The following PRKCA variants were observed in gnomAD, a reference collection of about 807,000 sequenced individuals.
PRKCA encodes the protein protein kinase C alpha, also known as protein kinase C alpha type.
In PRKCA, 27 loss-of-function variants were observed where a neutral mutation model predicts 87.0. That is an observed-to-expected ratio of 0.31 (90% CI 0.23 to 0.43). The LOEUF is 0.43. PRKCA is among the 20% of genes least tolerant of loss of function. The pLI is 1.00. For synonymous variants in PRKCA, 329 were observed against 311.1 expected, an observed-to-expected ratio of 1.06 and a Z score of -0.61; for missense variants, 518 against 852.3, an observed-to-expected ratio of 0.61 and a Z score of 4.88.
At chr17:66,658,963 G>T (rs1158107074) in intron 5 of PRKCA, among the ~76,000 whole-genome samples, 1 of 152,208 alleles carries the variant, frequency 6.6e-6, no homozygotes, top group African/African-American at 2.4e-5. Flanking sequence ...GAAGGCCTCT[G>T]TATGAGTAGA....
At chr17:66,430,789 A>G (rs972677709) in intron 2 of PRKCA, among the ~76,000 whole-genome samples, 3 of 152,132 alleles carry the variant, frequency 2.0e-5, no homozygotes, top group African/African-American at 7.2e-5. Flanking sequence ...GCACTAGGAA[A>G]TGGCCAAGTG....
At chr17:66,554,089 G>A (rs1968423851) in intron 3 of PRKCA, among the ~76,000 whole-genome samples, 1 of 152,156 alleles carries the variant, frequency 6.6e-6, no homozygotes, top group African/African-American at 2.4e-5. Context: ...GAAGACACCT[G>A]TGTTCAGAAG....
chr17:66,746,517 A>G (rs908081329), intron 13 of PRKCA, among the ~76,000 whole-genome samples: 89 of 152,172 alleles, frequency 5.8e-4, no homozygotes, highest in African/African-American at 2.0e-3. Context: ...CTCTGTGCAA[A>G]TACTCCTGTC....
In PRKCA at chr17:66,386,097, A is replaced by T. The variant is rs188665750; in HGVS notation, c.205+79970A>T. Among the ~76,000 whole-genome samples, 3 of 152,270 alleles carry T rather than the reference A, an allele frequency of 2.0e-5. No homozygotes were observed. In the East Asian group the frequency reaches 5.8e-4, roughly 29 times the overall value. ...TTTTAAGTTTCTTTTCCCATGCTAT[A>T]GGTTCATTTTGCAGATGTAACCGCT... On this transcript the variant is annotated intron_variant, in intron 2 of 16. Coordinates refer to ENST00000413366, the MANE Select transcript of PRKCA (RefSeq NM_002737.3).
At chr17:66,757,575 A>G (rs1268439944) in intron 13 of PRKCA, among the ~76,000 whole-genome samples, 1 of 116,586 alleles carries the variant, frequency 8.6e-6, no homozygotes, top group African/African-American at 3.6e-5. Context: ...TGGGAGGAAA[A>G]AAAAAAAAAA....
rs904246795 is a variant in PRKCA at position 66,559,501 on chromosome 17, A to G, written c.288+63218A>G. Among the ~76,000 whole-genome samples the G allele has an allele frequency of 2.7e-5, 4 of 146,480 alleles. No homozygotes were observed. In the Admixed American group the frequency reaches 2.8e-4, roughly 10 times the overall value. On this transcript the variant is annotated intron_variant, in intron 3 of 16. Coordinates refer to ENST00000413366, the MANE Select transcript of PRKCA (RefSeq NM_002737.3). The stretch of plus-strand genomic sequence containing the variant: ...CACCAAAAAAAAAAAAAAAAAAAAA[A>G]AAAAAGCTCTCCAGTACCCTCATCT...
chr17:66,308,665 C>G (rs1904943044), intron 2 of PRKCA, among the ~76,000 whole-genome samples: 1 of 152,062 alleles, frequency 6.6e-6, no homozygotes, highest in Admixed American at 6.5e-5. Context: ...ATTTTGTTTA[C>G]TGTGTCTCAT....
chr17:66,688,383 G>A lies in PRKCA; in HGVS notation c.768G>A (p.Met256Ile). The change falls in exon 7 of 17, where the codon ATG becomes ATA. Residue 256 changes from methionine to isoleucine, a missense_variant. Physicochemically the swap from Met to Ile is conservative, Grantham distance 10. This residue lies in a region of PRKCA where 300 missense variants were observed against 496.8 expected (regional missense o/e 0.60). Coordinates refer to ENST00000413366, the MANE Select transcript of PRKCA (RefSeq NM_002737.3). ...DWDRTTRNDF[M>I]GSLSFGVSEL... is the part of the protein sequence containing the mutation. ...ATCGAACAACAAGGAATGACTTCAT[G>A]GGATCCCTTTCCTTTGGAGTTTCGG... 1 of 1,614,156 alleles carries A rather than the reference G, an allele frequency of 6.2e-7. No individual in the cohort carries two copies. The highest frequency in any genetic ancestry group is 8.5e-7 in the Non-Finnish European group (1 of 1,180,018).
At chr17:66,712,954 A>ATTATGAAT (rs1318436597) in intron 8 of PRKCA, among the ~76,000 whole-genome samples, 1 of 151,832 alleles carries the variant, frequency 6.6e-6, no homozygotes, top group East Asian at 1.9e-4. Flanking sequence ...ATCCCCAGGA[A>ATTATGAAT]TTATGAATTA....
In PRKCA at chr17:66,689,918, C is replaced by G. The variant is rs8072511; in HGVS notation, c.918+871C>G. ...TTGTTAGAATTCCCTGGAATTTCCCCGCTCTAGAGCAGTACACGTGCACAC... is the reference window on the plus strand; with the variant it reads ...TTGTTAGAATTCCCTGGAATTTCCCGGCTCTAGAGCAGTACACGTGCACAC... On this transcript the variant is annotated intron_variant, in intron 8 of 16. Transcript: ENST00000413366. This position sits in a 1 kb window ranked among gnomAD's most constrained non-coding sequence, Gnocchi z 4.1. Among the ~76,000 whole-genome samples, 10,356 of 152,250 alleles carry G rather than the reference C, an allele frequency of 0.068. 381 individuals carry two copies. Among genetic ancestry groups the G allele is most frequent in the South Asian group, 0.14 (691 of 4,816 alleles).
chr17:66,775,093 G>C (rs570955369), intron 14 of PRKCA: 1 of 985,340 alleles, frequency 1.0e-6, no homozygotes, highest in Non-Finnish European at 1.2e-6. Flanking sequence ...GGAGGAATTA[G>C]TGGAGAAATC....
intron 3 of PRKCA, among the ~76,000 whole-genome samples, chr17:66,584,675 T>C (rs911069157): frequency 6.6e-6 from 1 of 152,172 alleles, no homozygotes; most frequent in Non-Finnish European, 1.5e-5. Flanking sequence ...TGGCTTCTGT[T>C]GTTCCTCACC....
intron 4 of PRKCA, among the ~76,000 whole-genome samples, chr17:66,644,983 CT>C (rs1971412898): frequency 6.7e-6 from 1 of 150,292 alleles, no homozygotes; most frequent in African/African-American, 2.5e-5. Flanking sequence ...AAAGGAGACC[CT>C]GTCTGAAGAA....
chr17:66,462,062 G>A (rs923208712), intron 2 of PRKCA, among the ~76,000 whole-genome samples: 1 of 152,104 alleles, frequency 6.6e-6, no homozygotes, highest in Non-Finnish European at 1.5e-5. Flanking sequence ...ATGAGACCTT[G>A]GTTGTGGGCA....
intron 5 of PRKCA, among the ~76,000 whole-genome samples, chr17:66,682,415 G>A (rs569228715): frequency 2.0e-5 from 3 of 152,386 alleles, no homozygotes; most frequent in East Asian, 1.9e-4. Flanking sequence ...GGCCAGTGCC[G>A]TGGCACAGAT....
At chr17:66,735,865 G>A (rs1974009677) in intron 10 of PRKCA, among the ~76,000 whole-genome samples, 2 of 151,314 alleles carry the variant, frequency 1.3e-5, no homozygotes, top group South Asian at 4.2e-4. Context: ...CCTCTGCTTG[G>A]CATTCATGCC....
chr17:66,655,252 A>G (rs1175523927), intron 5 of PRKCA, among the ~76,000 whole-genome samples: 1 of 152,210 alleles, frequency 6.6e-6, no homozygotes, highest in African/African-American at 2.4e-5. Context: ...TTGATTGGGC[A>G]TTCCTAAACA....
chr17:66,727,190 T>A (rs1973775923), intron 8 of PRKCA, among the ~76,000 whole-genome samples: 1 of 88,156 alleles, frequency 1.1e-5, no homozygotes, highest in African/African-American at 4.7e-5. Context: ...CAAGGATGAG[T>A]CAGAAAATAG....
At chr17:66,727,100 C>G (rs529871320) in intron 8 of PRKCA, among the ~76,000 whole-genome samples, 1 of 152,168 alleles carries the variant, frequency 6.6e-6, no homozygotes, top group Non-Finnish European at 1.5e-5. Context: ...TGCCCGTGGG[C>G]TAGGGGAGGT....
Sources: allele counts gnomAD v4.1 joint callset (sites outside exome capture counted in the v4.1 genomes callset), GRCh38; gene constraint gnomAD v4.1.1; regional missense constraint gnomAD v4.1.1; non-coding constraint Gnocchi (gnomAD v3.1); transcripts MANE v1.5; gene names NCBI Gene and HGNC (gene_info 2026-07-23, HGNC 2026-07-21).